The following VPS9D1 variants were observed in gnomAD, a reference collection of about 807,000 sequenced individuals.
VPS9D1 encodes VPS9 domain-containing protein 1.
Under a neutral mutation model 75.8 loss-of-function variants are expected in VPS9D1, and 78 were observed. That is an observed-to-expected ratio of 1.03 (90% CI 0.86 to 1.24). The LOEUF is 1.24. VPS9D1 is among the 50% of genes most tolerant of loss of function. The pLI is 0.00. For missense variants in VPS9D1, 1,057 were observed against 847.7 expected, an observed-to-expected ratio of 1.25 and a Z score of -3.07; for synonymous variants, 481 against 385.6, an observed-to-expected ratio of 1.25 and a Z score of -2.90.
At chr16:89,709,111 TC>T in intron 12 of VPS9D1, 115 bp downstream of exon 12, 1 of 1,481,622 alleles carries the variant, frequency 6.7e-7, no homozygotes. Flanking sequence ...TTTGTTCTGG[TC>T]CCCCAACCTC....
intron 12 of VPS9D1, 22 bp downstream of exon 12, chr16:89,709,205 C>G: frequency 1.2e-6 from 2 of 1,611,704 alleles, no homozygotes; most frequent in Non-Finnish European, 8.5e-7. Flanking sequence ...TGTCCCTCCC[C>G]CTGACTCTCG....
At chr16:89,716,975 C>A in intron 2 of VPS9D1, 153 bp from the exon 3 acceptor site, 1 of 622,930 alleles carries the variant, frequency 1.6e-6, no homozygotes, top group Non-Finnish European at 2.5e-6. Flanking sequence ...CCCATCCCCT[C>A]ACTGACCCTG....
At position 89,711,878 on chromosome 16, in the gene VPS9D1, G is replaced by T; in HGVS notation, c.747+4C>A. The T allele has an allele frequency of 6.5e-7, 1 of 1,550,224 alleles. No individual in the cohort carries two copies. Among genetic ancestry groups the T allele is most frequent in the East Asian group, 2.4e-5 (1 of 40,896 alleles). On this transcript the variant is annotated splice_donor_region_variant and intron_variant, in intron 8 of 14. Transcript: ENST00000389386. ...TACAAAGCCTGGGCCCGTGGGGGAC[G>T]CACATGGTCCTGTTCGTACTCCAGG...
Position 89,707,909 on chromosome 16 carries a change from ACT to A in VPS9D1, c.1846_1847del (p.Ser616CysfsTer45), listed in dbSNP as rs1338674071. ...EEGYCLTSLQ[S>X]ALSYVELLPR... is the part of the protein sequence containing the mutation. ...GCAGCAGCTCCACGTAGCTCAGGGCACTCTGCAGTGATGTGAGGCAGTAGCCC... is the reference window on the plus strand; with the variant it reads ...GCAGCAGCTCCACGTAGCTCAGGGCACTGCAGTGATGTGAGGCAGTAGCCC... On this transcript the variant is annotated frameshift_variant, in exon 15 of 15. Transcript: ENST00000389386. LOFTEE classifies it high-confidence loss of function. The A allele has an allele frequency of 6.2e-7, 1 of 1,613,034 alleles. No homozygotes were observed. The highest frequency in any genetic ancestry group is 8.5e-7 in the Non-Finnish European group (1 of 1,179,928).
Position 89,716,458 on chromosome 16 carries a change from T to G in VPS9D1, c.431+4A>C, listed in dbSNP as rs765203866. 3 of 1,613,812 alleles carry G rather than the reference T, an allele frequency of 1.9e-6. No individual in the cohort carries two copies. In the African/African-American group the frequency reaches 4.0e-5, roughly 22 times the overall value. On this transcript the variant is annotated splice_donor_region_variant and intron_variant, in intron 4 of 14. Coordinates refer to ENST00000389386, the MANE Select transcript of VPS9D1 (RefSeq NM_004913.3). Reference sequence around the variant, plus strand: ...CATCCCACCTCCCATCTTGTCCATCTTACTTCTTACAGCTTTGTGACTCTG... The same window carrying G: ...CATCCCACCTCCCATCTTGTCCATCGTACTTCTTACAGCTTTGTGACTCTG...
In VPS9D1 at chr16:89,711,907, G is replaced by A; in HGVS notation, c.722C>T (p.Ala241Val). The change falls in exon 8 of 15, where the codon GCC (alanine) becomes GTC (valine). Residue 241 changes from alanine (A) to valine (V), a missense_variant. Physicochemically the swap from Ala to Val is moderately conservative, Grantham distance 64. Coordinates refer to ENST00000389386, the MANE Select transcript of VPS9D1 (RefSeq NM_004913.3). ...EEREQRALYA[A>V]ILEYEQDHDW... is the part of the protein sequence containing the mutation. ...ATGGTCCTGTTCGTACTCCAGGATG[G>A]CGGCGTAAAGGGCCCGCTGCTCCCG... The A allele has an allele frequency of 6.4e-7, 1 of 1,551,424 alleles. No homozygotes were observed. Among genetic ancestry groups the A allele is most frequent in the Non-Finnish European group, 8.7e-7 (1 of 1,147,086 alleles).
At position 89,717,860 on chromosome 16, in the gene VPS9D1, G is replaced by A. The variant is rs7188543; in HGVS notation, c.176-1038C>T. On this transcript the variant is annotated intron_variant, in intron 2 of 14. Coordinates refer to ENST00000389386, the MANE Select transcript of VPS9D1 (RefSeq NM_004913.3). ...CTGTGTGATCCTACGTCCAGTGGCT[G>A]CCCCGACCTCTGTGATCCCACGTCC... 1,512 of 448,504 alleles carry A rather than the reference G, an allele frequency of 3.4e-3. 22 individuals are homozygous for A. Among genetic ancestry groups the A allele is most frequent in the African/African-American group, 0.029 (1,422 of 48,508 alleles). The allele number at this position is 448,504 out of a possible 1,614,324, so 27.8% of individuals were successfully genotyped here. A position where few individuals can be genotyped will look rare whatever the true frequency, so the allele number is the denominator to read the frequency against.
At chr16:89,713,060 T>TA (rs1164121743) in intron 4 of VPS9D1, 1 of 168,396 alleles carries the variant, frequency 5.9e-6, no homozygotes, top group Non-Finnish European at 1.3e-5. Context: ...TGCACACTTG[T>TA]AATCCCAGCT....
At chr16:89,715,665 G>T (rs1042797054) in intron 4 of VPS9D1, among the ~76,000 whole-genome samples, 4 of 151,534 alleles carry the variant, frequency 2.6e-5, no homozygotes, top group African/African-American at 9.7e-5. Context: ...GGGACTACAG[G>T]GGCACACCAC....
At chr16:89,713,341 G>A (rs527836066) in intron 4 of VPS9D1, among the ~76,000 whole-genome samples, 3 of 150,836 alleles carry the variant, frequency 2.0e-5, no homozygotes, top group Non-Finnish European at 2.9e-5. Context: ...TGCAAACTCC[G>A]CCTCCCGGGT....
Position 89,711,186 on chromosome 16 carries a change from C to T in VPS9D1, c.833+141G>A, listed in dbSNP as rs1438279876. Reference sequence around the variant, plus strand: ...GTTGGAGAAGCCGAGGAAACGCCCTCAGCGCAAAGGGAGCTGCAGTGTCCA... The same window carrying T: ...GTTGGAGAAGCCGAGGAAACGCCCTTAGCGCAAAGGGAGCTGCAGTGTCCA... On this transcript the variant is annotated intron_variant, in intron 9 of 14. Transcript: ENST00000389386. 4 of 1,154,200 alleles carry T rather than the reference C, an allele frequency of 3.5e-6. No individual in the cohort carries two copies. In the African/African-American group the frequency reaches 4.7e-5, roughly 14 times the overall value. The allele number at this position is 1,154,200 out of a possible 1,614,324, so 71.5% of individuals were successfully genotyped here. A position where few individuals can be genotyped will look rare whatever the true frequency, so the allele number is the denominator to read the frequency against.
chr16:89,711,248 C>A, intron 9 of VPS9D1, 79 bp downstream of exon 9: 1 of 1,462,532 alleles, frequency 6.8e-7, no homozygotes. Context: ...CAGTCCAGCC[C>A]CTCTCCGGCA....
chr16:89,712,081 CCTCCAT>C lies in VPS9D1; in HGVS notation c.619_624del (p.Met207_Glu208del). On this transcript the variant is annotated inframe_deletion, in exon 7 of 15. Coordinates refer to ENST00000389386, the MANE Select transcript of VPS9D1 (RefSeq NM_004913.3). ...GCCTCCTGGAGCCGCAGCCGGCGCT[CCTCCAT>C]CTTTCTCTGGAGCTGGGTGCAGAGT... 6.5e-7 allele frequency: 1 copy of C among 1,548,508 alleles called. No individual in the cohort carries two copies. The highest frequency in any genetic ancestry group is 8.7e-7 in the Non-Finnish European group (1 of 1,146,816).
intron 1 of VPS9D1, among the ~76,000 whole-genome samples, chr16:89,720,055 G>A (rs905986784): frequency 1.3e-5 from 2 of 152,220 alleles, no homozygotes; most frequent in Non-Finnish European, 2.9e-5. Flanking sequence ...TAGCTGTTAA[G>A]TTTCCTATCT....
Position 89,711,372 on chromosome 16 carries a change from G to A in VPS9D1, c.788C>T (p.Pro263Leu), listed in dbSNP as rs1433760675. The A allele has an allele frequency of 1.4e-5, 22 of 1,610,922 alleles. No individual in the cohort carries two copies. The highest frequency in any genetic ancestry group is 1.8e-5 in the Non-Finnish European group (21 of 1,178,712). The part of the protein sequence containing the change: ...KHWKAKLKRN[P>L]GDLSLVTSLV... ...GCTGGTCACGAGTGACAGGTCCCCC[G>A]GATTCCTCTTGAGCTTGGCCTTCCA... The change falls in exon 9 of 15, where the codon CCG becomes CTG. Residue 263 changes from proline (P) to leucine (L), a missense_variant. Coordinates refer to ENST00000389386, the MANE Select transcript of VPS9D1 (RefSeq NM_004913.3).
At position 89,709,778 on chromosome 16, in the gene VPS9D1, T is replaced by C. The variant is rs1239921327; in HGVS notation, c.1387A>G (p.Arg463Gly). 3.7e-6 allele frequency: 6 copies of C among 1,613,532 alleles called. No homozygotes were observed. The highest frequency in any genetic ancestry group is 4.2e-6 in the Non-Finnish European group (5 of 1,179,898). ...GTGGTTGTACAGCTGGGTCCATACC[T>C]GTACAGGGCCAGCAGCAGAGGCCAC... ...PLWPLLLALYRSVHRAREAAL... is the reference protein window; with the variant it reads ...PLWPLLLALYGSVHRAREAAL... The change falls in exon 11 of 15, where the codon AGG (arginine) becomes GGG (glycine). Residue 463 changes from arginine to glycine, a missense_variant and splice_region_variant. Transcript: ENST00000389386.
At chr16:89,714,743 T>A (rs1356460883) in intron 4 of VPS9D1, among the ~76,000 whole-genome samples, 1 of 152,164 alleles carries the variant, frequency 6.6e-6, no homozygotes, top group Non-Finnish European at 1.5e-5. Context: ...TTTTCTTTCT[T>A]CTTTTTTTTT....
chr16:89,717,881 C>T (rs772914351), intron 2 of VPS9D1: 1 of 451,408 alleles, frequency 2.2e-6, no homozygotes, highest in Non-Finnish European at 4.5e-6. Context: ...TGTGATCCCA[C>T]GTCCAGGGGC....
chr16:89,717,584 A>G (rs959557962), intron 2 of VPS9D1: 1 of 456,140 alleles, frequency 2.2e-6, no homozygotes, highest in African/African-American at 2.0e-5. Context: ...CTTCACAGAA[A>G]ACTTCTCATA....
Sources: allele counts gnomAD v4.1 joint callset (sites outside exome capture counted in the v4.1 genomes callset), GRCh38; gene constraint gnomAD v4.1.1; transcripts MANE v1.5; gene names NCBI Gene and HGNC (gene_info 2026-07-23, HGNC 2026-07-21).